Variants in PELI2 observed in about 807,000 individuals in gnomAD.
PELI2 encodes the protein pellino E3 ubiquitin protein ligase family member 2, also known as E3 ubiquitin-protein ligase pellino homolog 2.
Under a neutral mutation model 42.3 loss-of-function variants are expected in PELI2, and 23 were observed. The observed-to-expected ratio is 0.54, with a 90% CI of 0.39 to 0.77. PELI2 has a LOEUF of 0.77. Among genes scored for constraint, PELI2 ranks in the 30% least tolerant of loss-of-function variants. PELI2 has a pLI of 0.00. For synonymous variants in PELI2, 245 were observed against 212.2 expected (o/e 1.15, Z -1.34); for missense variants, 463 against 553.2 (o/e 0.84, Z 1.64).
intron 4 of PELI2, among the ~76,000 whole-genome samples, chr14:56,289,498 A>G (rs1408118317): frequency 6.6e-6 from 1 of 152,146 alleles, no homozygotes; most frequent in Non-Finnish European, 1.5e-5. Flanking sequence ...GCCTCCAAGA[A>G]GATATCATGT....
chr14:56,260,860 A>G (rs969365728), intron 2 of PELI2, among the ~76,000 whole-genome samples: 3 of 152,188 alleles, frequency 2.0e-5, no homozygotes, highest in African/African-American at 4.8e-5. Flanking sequence ...GGACACATCT[A>G]TGTTCAGCTT....
Position 56,297,116 on chromosome 14 carries a change from G to T in PELI2, c.1213G>T (p.Val405Phe). Residue 405 changes from valine (V) to phenylalanine (F), a missense_variant, in exon 6 of 6, where the codon GTT becomes TTT. Val to Phe is a conservative substitution (Grantham distance 50). Transcript: ENST00000267460. ...AACPFCATQL[V>F]GEQNCIKLIF... is the part of the protein sequence containing the mutation. ...TTGCCCTTTCTGTGCTACACAGCTGGTTGGGGAGCAAAACTGCATCAAATT... is the reference window on the plus strand; with the variant it reads ...TTGCCCTTTCTGTGCTACACAGCTGTTTGGGGAGCAAAACTGCATCAAATT... The T allele has an allele frequency of 6.2e-7, 1 of 1,605,676 alleles. No homozygotes were observed. Among genetic ancestry groups the T allele is most frequent in the Non-Finnish European group, 8.5e-7 (1 of 1,179,938 alleles).
At chr14:56,133,104 G>GT (rs34450302) in intron 1 of PELI2, among the ~76,000 whole-genome samples, 1 of 151,276 alleles carries the variant, frequency 6.6e-6, no homozygotes, top group South Asian at 2.1e-4. Context: ...TATTATTTTC[G>GT]TTTTTTTCAC....
chr14:56,147,145 C>T (rs190711258), intron 1 of PELI2, among the ~76,000 whole-genome samples: 1 of 152,112 alleles, frequency 6.6e-6, no homozygotes, highest in Non-Finnish European at 1.5e-5. Flanking sequence ...TTTTTATGAC[C>T]AAGTGATATT....
At chr14:56,165,343 TC>T (rs1173879598) in intron 1 of PELI2, among the ~76,000 whole-genome samples, 2 of 152,144 alleles carry the variant, frequency 1.3e-5, no homozygotes, top group Non-Finnish European at 2.9e-5. Flanking sequence ...TTCCAAAATT[TC>T]TCGTTATTAA....
intron 2 of PELI2, among the ~76,000 whole-genome samples, chr14:56,223,718 G>A (rs1887236869): frequency 6.6e-6 from 1 of 152,194 alleles, no homozygotes; most frequent in South Asian, 2.1e-4. Flanking sequence ...AGGGCCAAAT[G>A]CAGATTTCAA....
chr14:56,155,851 T>C (rs1368527492), intron 1 of PELI2, among the ~76,000 whole-genome samples: 7 of 152,200 alleles, frequency 4.6e-5, no homozygotes, highest in African/African-American at 7.2e-5. Flanking sequence ...CCTAAAGTGC[T>C]GGGATTACAG....
chr14:56,288,726 T>C lies in PELI2; in HGVS notation c.507+92T>C. The C allele has an allele frequency of 4.3e-6, 4 of 937,964 alleles. No individual in the cohort carries two copies. Among genetic ancestry groups the C allele is most frequent in the Middle Eastern group, 3.0e-4 (1 of 3,298 alleles). The allele number at this position is 937,964 out of a possible 1,614,324, so 58.1% of individuals were successfully genotyped here. ...TTGGAGCAAAAAAAAATTGGCTTTG[T>C]ATGTTGCCTCTAGTGAGATTTTGAG... On this transcript the variant is annotated intron_variant, in intron 4 of 5. Coordinates refer to ENST00000267460, the MANE Select transcript of PELI2 (RefSeq NM_021255.3). This position sits in a 1 kb window ranked among gnomAD's most constrained non-coding sequence, Gnocchi z 4.6.
At position 56,274,976 on chromosome 14, in the gene PELI2, G is replaced by C. The variant is rs1485322843; in HGVS notation, c.208-4700G>C. ...ATTTGAGCTGAGAGTGTCACTACTG[G>C]TACCTTTGCTAGTGAGAAGTAGGGA... On this transcript the variant is annotated intron_variant, in intron 2 of 5. Coordinates refer to ENST00000267460, the MANE Select transcript of PELI2 (RefSeq NM_021255.3). Among the ~76,000 whole-genome samples, 4 of 152,158 alleles carry C rather than the reference G, an allele frequency of 2.6e-5. No individual in the cohort carries two copies. In the East Asian group the frequency reaches 7.7e-4, roughly 29 times the overall value.
At chr14:56,218,059 AG>A (rs777503448) in intron 2 of PELI2, among the ~76,000 whole-genome samples, 21 of 152,220 alleles carry the variant, frequency 1.4e-4, no homozygotes, top group Non-Finnish European at 2.6e-4. Context: ...AGGCATAATG[AG>A]GACACCTGCT....
At chr14:56,185,516 A>G (rs1029483003) in intron 2 of PELI2, among the ~76,000 whole-genome samples, 2 of 152,214 alleles carry the variant, frequency 1.3e-5, no homozygotes, top group Non-Finnish European at 2.9e-5. Context: ...GAAGCAGCAT[A>G]CCTACTTATC....
chr14:56,209,615 TTTTAA>T (rs1162530677), intron 2 of PELI2, among the ~76,000 whole-genome samples: 10 of 152,216 alleles, frequency 6.6e-5, no homozygotes, highest in African/African-American at 2.4e-4. Flanking sequence ...AAATTTTTAA[TTTTAA>T]TTTATAATAT....
chr14:56,247,896 T>C (rs1048599075), intron 2 of PELI2, among the ~76,000 whole-genome samples: 1 of 152,226 alleles, frequency 6.6e-6, no homozygotes, highest in Non-Finnish European at 1.5e-5. Flanking sequence ...GATGACACTA[T>C]ATTCTATATT....
chr14:56,155,348 C>T (rs542692885), intron 1 of PELI2, among the ~76,000 whole-genome samples: 7 of 151,608 alleles, frequency 4.6e-5, no homozygotes, highest in Non-Finnish European at 8.8e-5. Flanking sequence ...CTGTTCAGAT[C>T]GATCTTTTGA....
chr14:56,188,033 T>C (rs1240733025), intron 2 of PELI2, among the ~76,000 whole-genome samples: 2 of 152,216 alleles, frequency 1.3e-5, no homozygotes, highest in Non-Finnish European at 2.9e-5. Flanking sequence ...TTCGGAAAAG[T>C]TGGCCCAGCT....
intron 2 of PELI2, among the ~76,000 whole-genome samples, chr14:56,221,803 C>T (rs548854214): frequency 1.3e-3 from 204 of 152,304 alleles, no homozygotes; most frequent in Non-Finnish European, 2.3e-3. Flanking sequence ...TGGTTATGGC[C>T]TCCCTTGAGA....
At chr14:56,207,611 T>C (rs1886565297) in intron 2 of PELI2, among the ~76,000 whole-genome samples, 1 of 152,226 alleles carries the variant, frequency 6.6e-6, no homozygotes, top group African/African-American at 2.4e-5. Context: ...AATTCAGCTT[T>C]AACATCCCCT....
In PELI2 at chr14:56,156,801, G is replaced by A. The variant is rs531403577; in HGVS notation, c.78-21534G>A. Among the ~76,000 whole-genome samples, 183 of 152,130 alleles carry A rather than the reference G, an allele frequency of 1.2e-3. 1 individual carries two copies. The highest frequency in any genetic ancestry group is 2.0e-3 in the Non-Finnish European group (136 of 67,994). On this transcript the variant is annotated intron_variant, in intron 1 of 5. Coordinates refer to ENST00000267460, the MANE Select transcript of PELI2 (RefSeq NM_021255.3). ...TAGTGGCTACTATGTTGGACAATAC[G>A]GATCTATACAATGAATCATTATACC...
In PELI2 at chr14:56,259,267, T is replaced by A. The variant is rs373902169; in HGVS notation, c.208-20409T>A. On this transcript the variant is annotated intron_variant, in intron 2 of 5. Coordinates refer to ENST00000267460, the MANE Select transcript of PELI2 (RefSeq NM_021255.3). ...GAAAACAACAGATGGAAATTTAGATTTATATGAAGTGCTGAGTACTAGACG... is the reference window on the plus strand; with the variant it reads ...GAAAACAACAGATGGAAATTTAGATATATATGAAGTGCTGAGTACTAGACG... Among the ~76,000 whole-genome samples the A allele has an allele frequency of 5.3e-5, 8 of 152,218 alleles. No homozygotes were observed. In the East Asian group the frequency reaches 1.3e-3, roughly 26 times the overall value.
Sources: gnomAD v4.1 joint callset for allele counts (sites outside exome capture counted in the v4.1 genomes callset) on GRCh38, gnomAD v4.1.1 for gene constraint, Gnocchi (gnomAD v3.1) non-coding constraint, MANE v1.5 for transcripts, NCBI Gene and HGNC (gene_info 2026-07-23, HGNC 2026-07-21) for gene names.